The following CCDC60 variants were observed in gnomAD, a reference collection of about 807,000 sequenced individuals.
CCDC60 encodes coiled-coil domain-containing protein 60.
A neutral mutation model predicts 63.5 loss-of-function variants in CCDC60; 54 were observed. The ratio of observed to expected loss-of-function variants is 0.85; its 90% CI spans 0.68 to 1.07. CCDC60 has a LOEUF of 1.07. Among genes scored for constraint, CCDC60 ranks in the 50% least tolerant of loss-of-function variants. CCDC60 has a pLI of 0.00. For missense variants in CCDC60, 651 were observed against 684.3 expected, an observed-to-expected ratio of 0.95 and a Z score of 0.54; for synonymous variants, 206 against 238.8, an observed-to-expected ratio of 0.86 and a Z score of 1.27.
At chr12:119,353,968 C>T (rs78474188) in intron 1 of CCDC60, among the ~76,000 whole-genome samples, 11,035 of 152,044 alleles carry the variant, frequency 0.073, 468 homozygotes, top group African/African-American at 0.097. Context: ...TATCTGCTCT[C>T]TCTGTCCCTG....
chr12:119,508,296 C>T (rs555687214), intron 7 of CCDC60, among the ~76,000 whole-genome samples: 104 of 151,686 alleles, frequency 6.9e-4, no homozygotes, highest in Middle Eastern at 3.5e-3. Context: ...TCCTGGCCAA[C>T]GGGGTGAAAT....
chr12:119,476,127 A>T (rs557728950), intron 3 of CCDC60, among the ~76,000 whole-genome samples: 1 of 152,298 alleles, frequency 6.6e-6, no homozygotes, highest in Admixed American at 6.5e-5. Context: ...CAAAAATTTT[A>T]AGTCTGACAA....
intron 12 of CCDC60, among the ~76,000 whole-genome samples, chr12:119,530,473 CCGT>C (rs1454549792): frequency 6.6e-6 from 1 of 152,116 alleles, no homozygotes; most frequent in Non-Finnish European, 1.5e-5. Context: ...CACACACACA[CCGT>C]CGTGTGTGAG....
intron 7 of CCDC60, among the ~76,000 whole-genome samples, chr12:119,514,459 G>C (rs1006462252): frequency 6.6e-6 from 1 of 151,658 alleles, no homozygotes; most frequent in Non-Finnish European, 1.5e-5. Flanking sequence ...AAAGTGCTGG[G>C]ATTACAGGCA....
At chr12:119,370,993 C>T (rs1955891789) in intron 1 of CCDC60, among the ~76,000 whole-genome samples, 1 of 152,148 alleles carries the variant, frequency 6.6e-6, no homozygotes, top group Non-Finnish European at 1.5e-5. Flanking sequence ...GACCATAGCA[C>T]TGCACTCCAG....
At chr12:119,479,885 G>T (rs907899399) in intron 4 of CCDC60, 1 of 151,728 alleles carries the variant, frequency 6.6e-6, no homozygotes, top group Non-Finnish European at 1.5e-5. Context: ...ATGTTTAGCC[G>T]CATCCATGGC....
intron 5 of CCDC60, among the ~76,000 whole-genome samples, chr12:119,493,288 C>T (rs189984323): frequency 1.3e-5 from 2 of 152,206 alleles, no homozygotes; most frequent in East Asian, 3.9e-4. Context: ...CAGCTGTAGA[C>T]CCAATCCCTC....
At chr12:119,517,294 A>T (rs1476479157) in intron 8 of CCDC60, among the ~76,000 whole-genome samples, 3 of 152,152 alleles carry the variant, frequency 2.0e-5, no homozygotes, top group Non-Finnish European at 4.4e-5. Context: ...ATACCTGGCA[A>T]ATCCAGACAT....
At chr12:119,464,454 A>G (rs2393521) in intron 2 of CCDC60, among the ~76,000 whole-genome samples, 82,126 of 151,094 alleles carry the variant, frequency 0.54, 23,196 homozygotes, top group East Asian at 0.85. Context: ...TCCAGAGAAG[A>G]ACCTTTCTGT....
chr12:119,382,609 G>GGAATGAATGAATGAATGAAT (rs140115377), intron 1 of CCDC60, among the ~76,000 whole-genome samples: 4 of 151,718 alleles, frequency 2.6e-5, no homozygotes, highest in African/African-American at 9.7e-5. Context: ...CAGAACAGTG[G>GGAATGAATGAATGAATGAAT]GAATGAATGA....
intron 5 of CCDC60, 65 bp downstream of exon 5, chr12:119,488,931 T>G: frequency 1.5e-6 from 2 of 1,292,194 alleles, no homozygotes; most frequent in Non-Finnish European, 2.3e-6. Context: ...AAGAGATTCC[T>G]GTATGTTCTT....
chr12:119,535,510 T>C (rs1339311323), intron 13 of CCDC60, among the ~76,000 whole-genome samples: 1 of 152,224 alleles, frequency 6.6e-6, no homozygotes, highest in East Asian at 1.9e-4. Context: ...GATGTTAGGG[T>C]GTTGATTTTA....
intron 7 of CCDC60, among the ~76,000 whole-genome samples, chr12:119,511,788 G>C (rs1380729279): frequency 6.6e-6 from 1 of 152,174 alleles, no homozygotes; most frequent in African/African-American, 2.4e-5. Context: ...AGGCTTGTTT[G>C]CTTATGAGTT....
At chr12:119,509,476 G>C (rs1320102479) in intron 7 of CCDC60, among the ~76,000 whole-genome samples, 2 of 152,066 alleles carry the variant, frequency 1.3e-5, no homozygotes, top group African/African-American at 4.8e-5. Flanking sequence ...GTAACAGTGG[G>C]CCTGCAACCC....
chr12:119,412,828 G>C (rs2136200741), intron 1 of CCDC60, among the ~76,000 whole-genome samples: 1 of 139,622 alleles, frequency 7.2e-6, no homozygotes, highest in Non-Finnish European at 1.5e-5. Context: ...TCCTTACTGG[G>C]TCTGTGGCAG....
intron 5 of CCDC60, among the ~76,000 whole-genome samples, chr12:119,496,067 A>G (rs1437606361): frequency 6.6e-6 from 1 of 152,050 alleles, no homozygotes; most frequent in East Asian, 1.9e-4. Context: ...GGAGTGGGAG[A>G]ATGTGGCAGG....
At chr12:119,398,258 C>T (rs1359627816) in intron 1 of CCDC60, among the ~76,000 whole-genome samples, 1 of 151,804 alleles carries the variant, frequency 6.6e-6, no homozygotes. Flanking sequence ...GGGGACCCGG[C>T]GCAACCTCTG....
chr12:119,370,079 G>T (rs1955882469), intron 1 of CCDC60, among the ~76,000 whole-genome samples: 1 of 152,186 alleles, frequency 6.6e-6, no homozygotes, highest in Non-Finnish European at 1.5e-5. Context: ...GCCGCTTCAG[G>T]AAAGGTGGTC....
At chr12:119,376,059 C>T (rs111332352) in intron 1 of CCDC60, among the ~76,000 whole-genome samples, 4 of 152,176 alleles carry the variant, frequency 2.6e-5, no homozygotes, top group African/African-American at 9.7e-5. Context: ...GAAGAGAGCC[C>T]ACACACCCAC....
Sources: allele counts gnomAD v4.1 joint callset (sites outside exome capture counted in the v4.1 genomes callset), GRCh38; gene constraint gnomAD v4.1.1; transcripts MANE v1.5; gene names NCBI Gene and HGNC (gene_info 2026-07-23, HGNC 2026-07-21).